The following IMMP2L variants were observed in gnomAD, a reference collection of about 807,000 sequenced individuals.
IMMP2L encodes inner mitochondrial membrane peptidase subunit 2.
A neutral mutation model predicts 19.3 loss-of-function variants in IMMP2L; 18 were observed. That is an observed-to-expected ratio of 0.93 (90% CI 0.64 to 1.38). The LOEUF is 1.38. Ranked by LOEUF, IMMP2L falls within the 40% of genes most tolerant of loss-of-function variation. The probability of loss-of-function intolerance (pLI) is 0.00; values close to 1 mark genes in which losing one functional copy is unlikely to be tolerated. For synonymous variants in IMMP2L, 76 were observed against 73.0 expected, an observed-to-expected ratio of 1.04 and a Z score of -0.21; for missense variants, 233 against 218.2, an observed-to-expected ratio of 1.07 and a Z score of -0.43.
intron 3 of IMMP2L, among the ~76,000 whole-genome samples, chr7:111,445,467 G>A (rs1181103397): frequency 1.3e-5 from 2 of 151,588 alleles, no homozygotes; most frequent in East Asian, 3.9e-4. Context: ...GCCTTCAAAG[G>A]AACAAAATCA....
At chr7:111,506,331 C>T (rs531201395) in intron 2 of IMMP2L, among the ~76,000 whole-genome samples, 1 of 152,220 alleles carries the variant, frequency 6.6e-6, no homozygotes, top group African/African-American at 2.4e-5. Flanking sequence ...GTTAATTCAA[C>T]ACCCTTAAAA....
At chr7:111,135,737 AAAG>A (rs1381141207) in intron 3 of IMMP2L, among the ~76,000 whole-genome samples, 2 of 152,172 alleles carry the variant, frequency 1.3e-5, no homozygotes, top group Non-Finnish European at 2.9e-5. Context: ...AACATACAAA[AAAG>A]AAGGCCTCAT....
At chr7:111,218,858 TATAATA>T (rs1812234505) in intron 3 of IMMP2L, among the ~76,000 whole-genome samples, 1 of 151,990 alleles carries the variant, frequency 6.6e-6, no homozygotes, top group South Asian at 2.1e-4. Flanking sequence ...ATTACAAAAG[TATAATA>T]AATCTTGAAA....
chr7:110,668,708 G>A lies in IMMP2L; in HGVS notation c.409-4987C>T, dbSNP rs1791629826. ...ATAATTCATCTTCACAATGATGAATGATGAGAATTCTATCAGATAACATCA... is the reference window on the plus strand; with the variant it reads ...ATAATTCATCTTCACAATGATGAATAATGAGAATTCTATCAGATAACATCA... On this transcript the variant is annotated intron_variant, in intron 5 of 5. Coordinates refer to ENST00000405709, the MANE Select transcript of IMMP2L (RefSeq NM_032549.4). Among the ~76,000 whole-genome samples the A allele has an allele frequency of 2.0e-5, 3 of 152,046 alleles. No homozygotes were observed. The South Asian group carries it at 6.2e-4, about 32-fold the overall frequency.
chr7:111,450,401 G>A (rs981016868), intron 3 of IMMP2L, among the ~76,000 whole-genome samples: 10 of 151,816 alleles, frequency 6.6e-5, no homozygotes, highest in African/African-American at 1.5e-4. Context: ...CTCAAATAAC[G>A]CCGCATACCT....
At chr7:111,006,974 C>T (rs1824356603) in intron 3 of IMMP2L, among the ~76,000 whole-genome samples, 1 of 152,090 alleles carries the variant, frequency 6.6e-6, no homozygotes, top group Admixed American at 6.6e-5. Flanking sequence ...CCCACTTTCC[C>T]TCCTCCCATT....
At chr7:111,127,911 T>G (rs1801474706) in intron 3 of IMMP2L, among the ~76,000 whole-genome samples, 1 of 152,092 alleles carries the variant, frequency 6.6e-6, no homozygotes, top group Non-Finnish European at 1.5e-5. Flanking sequence ...AATACAAAAA[T>G]ATATAAAAAC....
chr7:111,378,379 T>C (rs1563119992), intron 3 of IMMP2L, among the ~76,000 whole-genome samples: 1 of 151,940 alleles, frequency 6.6e-6, no homozygotes, highest in Non-Finnish European at 1.5e-5. Flanking sequence ...GTCACAAATA[T>C]AAAAATTGAT....
At chr7:111,436,921 C>T (rs1300986857) in intron 3 of IMMP2L, among the ~76,000 whole-genome samples, 1 of 151,660 alleles carries the variant, frequency 6.6e-6, no homozygotes, top group Non-Finnish European at 1.5e-5. Context: ...AGGTGCCACA[C>T]TCTTTTAGAC....
At position 111,423,658 on chromosome 7, in the gene IMMP2L, A is replaced by C. The variant is rs540776859; in HGVS notation, c.239+63580T>G. ...TGTATCTTTGGGACACATTTAAAGC[A>C]GTGTGTAGAGGGAAATTTATAGCAC... is the stretch of plus-strand genomic sequence containing the variant. On this transcript the variant is annotated intron_variant, in intron 3 of 5. Transcript: ENST00000405709. Among the ~76,000 whole-genome samples the C allele has an allele frequency of 7.3e-5, 11 of 151,484 alleles. No homozygotes were observed. The East Asian group carries it at 2.2e-3, about 30-fold the overall frequency.
rs148551181 is a variant in IMMP2L at position 111,135,883 on chromosome 7, C to A, written c.240-172318G>T. On this transcript the variant is annotated intron_variant, in intron 3 of 5. Coordinates refer to ENST00000405709, the MANE Select transcript of IMMP2L (RefSeq NM_032549.4). ...AGAGCTGCCCACACTTTCAAGGTAT[C>A]ATCAAAGACCTCTTATCTCAGAATA... Among the ~76,000 whole-genome samples the A allele has an allele frequency of 3.1e-3, 474 of 152,226 alleles. 6 individuals are homozygous for A. Among genetic ancestry groups the A allele is most frequent in the Middle Eastern group, 0.01 (3 of 294 alleles).
At chr7:111,121,575 A>C (rs1328468211) in intron 3 of IMMP2L, among the ~76,000 whole-genome samples, 2 of 152,178 alleles carry the variant, frequency 1.3e-5, no homozygotes, top group Non-Finnish European at 2.9e-5. Flanking sequence ...AAAAGTCAGG[A>C]AACAACAGCT....
chr7:111,351,889 T>C (rs1168951688), intron 3 of IMMP2L, among the ~76,000 whole-genome samples: 1 of 152,214 alleles, frequency 6.6e-6, no homozygotes, highest in Non-Finnish European at 1.5e-5. Flanking sequence ...AGTACTTTAA[T>C]TTTTCCTGTT....
intron 2 of IMMP2L, among the ~76,000 whole-genome samples, chr7:111,494,010 T>TAAAAA: frequency 6.6e-6 from 1 of 150,904 alleles, no homozygotes; most frequent in African/African-American, 2.4e-5. Context: ...CTAAAAAAAA[T>TAAAAA]ATAGAGCAAG....
chr7:111,519,003 C>G (rs1208291142), intron 2 of IMMP2L, among the ~76,000 whole-genome samples: 4 of 152,082 alleles, frequency 2.6e-5, no homozygotes, highest in Non-Finnish European at 4.4e-5. Context: ...TGTACTTGTT[C>G]AAAGCTGGAC....
At chr7:111,032,987 G>T (rs1297258966) in intron 3 of IMMP2L, among the ~76,000 whole-genome samples, 1 of 151,902 alleles carries the variant, frequency 6.6e-6, no homozygotes, top group Non-Finnish European at 1.5e-5. Context: ...GGGCATGGTG[G>T]CATGTGCCTA....
intron 5 of IMMP2L, among the ~76,000 whole-genome samples, chr7:110,839,460 G>A (rs564618694): frequency 6.6e-6 from 1 of 151,954 alleles, no homozygotes; most frequent in Non-Finnish European, 1.5e-5. Flanking sequence ...TATGACAAAA[G>A]AGGTCCTTAC....
chr7:111,125,289 T>C (rs572799103), intron 3 of IMMP2L: 2 of 174,426 alleles, frequency 1.1e-5, no homozygotes, highest in African/African-American at 2.4e-5. Flanking sequence ...GTTTTTGCAG[T>C]GACCAGATAA....
At chr7:111,026,221 T>G (rs1380830395) in intron 3 of IMMP2L, among the ~76,000 whole-genome samples, 1 of 152,156 alleles carries the variant, frequency 6.6e-6, no homozygotes, top group African/African-American at 2.4e-5. Context: ...TTCTACTACA[T>G]TGTGTAATTT....
Sources: gnomAD v4.1 joint callset for allele counts (sites outside exome capture counted in the v4.1 genomes callset) on GRCh38, gnomAD v4.1.1 for gene constraint, MANE v1.5 for transcripts, NCBI Gene and HGNC (gene_info 2026-07-23, HGNC 2026-07-21) for gene names.